The following ANKRD55 variants were observed in gnomAD, a reference collection of about 807,000 sequenced individuals.
The protein encoded by ANKRD55 is ankyrin repeat domain 55, also known as ankyrin repeat domain-containing protein 55.
A neutral mutation model predicts 60.6 loss-of-function variants in ANKRD55; 41 were observed. That is an observed-to-expected ratio of 0.68 (90% CI 0.53 to 0.88). The LOEUF is 0.88. Among genes scored for constraint, ANKRD55 ranks in the 40% least tolerant of loss-of-function variants. The probability of loss-of-function intolerance (pLI) is 0.00; values close to 1 mark genes in which losing one functional copy is unlikely to be tolerated. For missense variants in ANKRD55, 732 were observed against 767.6 expected (o/e 0.95, Z 0.55); for synonymous variants, 264 against 290.3 (o/e 0.91, Z 0.92).
intron 2 of ANKRD55, among the ~76,000 whole-genome samples, chr5:56,187,757 C>T (rs1416877736): frequency 1.3e-5 from 2 of 152,202 alleles, no homozygotes; most frequent in East Asian, 3.9e-4. Flanking sequence ...TCTTCCGTGA[C>T]CCACGGCTTC....
intron 6 of ANKRD55, among the ~76,000 whole-genome samples, chr5:56,156,702 T>C (rs1415272896): frequency 1.3e-5 from 2 of 152,188 alleles, no homozygotes; most frequent in African/African-American, 2.4e-5. Context: ...CCACTCCAGC[T>C]CCCTGCTTCG....
chr5:56,121,932 A>G (rs1757077875), intron 8 of ANKRD55, among the ~76,000 whole-genome samples: 1 of 152,156 alleles, frequency 6.6e-6, no homozygotes, highest in African/African-American at 2.4e-5. Flanking sequence ...GTTTTCTAGG[A>G]GGTCAAGGCT....
chr5:56,140,279 T>G (rs1441327683), intron 7 of ANKRD55, among the ~76,000 whole-genome samples: 2 of 152,194 alleles, frequency 1.3e-5, no homozygotes, highest in Non-Finnish European at 2.9e-5. Flanking sequence ...TCAGCTGACA[T>G]TTGGAATTAC....
chr5:56,145,920 T>C (rs898569311), intron 6 of ANKRD55, among the ~76,000 whole-genome samples: 1 of 152,226 alleles, frequency 6.6e-6, no homozygotes, highest in Admixed American at 6.5e-5. Context: ...GAATATTTAC[T>C]TGGAAATCAG....
chr5:56,183,706 G>T, intron 2 of ANKRD55, 72 bp from the exon 3 acceptor site: 2 of 1,576,266 alleles, frequency 1.3e-6, no homozygotes, highest in Non-Finnish European at 1.7e-6. Context: ...TACCCAAGTC[G>T]TCACCCACAC....
At chr5:56,136,789 G>GCAT (rs59351990) in intron 7 of ANKRD55, among the ~76,000 whole-genome samples, 1 of 151,728 alleles carries the variant, frequency 6.6e-6, no homozygotes, top group African/African-American at 2.4e-5. Flanking sequence ...AGGCATTGTG[G>GCAT]GTGTGCCTAT....
chr5:56,185,225 A>C (rs1758941722), intron 2 of ANKRD55, among the ~76,000 whole-genome samples: 1 of 151,948 alleles, frequency 6.6e-6, no homozygotes, highest in Non-Finnish European at 1.5e-5. Context: ...TCTGTCTCAA[A>C]ACAAAACAAC....
intron 2 of ANKRD55, among the ~76,000 whole-genome samples, chr5:56,184,156 C>A (rs1758914696): frequency 6.6e-6 from 1 of 152,228 alleles, no homozygotes; most frequent in Non-Finnish European, 1.5e-5. Flanking sequence ...CACCCTTTTG[C>A]TTGCCCATGA....
intron 9 of ANKRD55, among the ~76,000 whole-genome samples, chr5:56,114,907 G>A (rs1311346470): frequency 6.6e-6 from 1 of 152,104 alleles, no homozygotes; most frequent in Admixed American, 6.6e-5. Flanking sequence ...TACTGTGGCT[G>A]GGTATGATGG....
intron 6 of ANKRD55, among the ~76,000 whole-genome samples, chr5:56,154,979 C>T (rs927914112): frequency 3.3e-5 from 5 of 152,096 alleles, no homozygotes; most frequent in Non-Finnish European, 7.4e-5. Context: ...CGCCTATAAT[C>T]CCAGCACTTT....
intron 2 of ANKRD55, among the ~76,000 whole-genome samples, chr5:56,218,913 A>G (rs971023924): frequency 6.6e-6 from 1 of 152,188 alleles, no homozygotes; most frequent in African/African-American, 2.4e-5. Flanking sequence ...TCTGAGTAAA[A>G]GGCATACAAG....
intron 7 of ANKRD55, among the ~76,000 whole-genome samples, chr5:56,134,881 TA>T (rs1207525808): frequency 1.5e-4 from 23 of 152,016 alleles, no homozygotes; most frequent in Non-Finnish European, 2.2e-4. Context: ...TCTAGCAACG[TA>T]AAAAAAGAAT....
chr5:56,163,356 T>C (rs776687532), intron 5 of ANKRD55, among the ~76,000 whole-genome samples: 7 of 152,124 alleles, frequency 4.6e-5, no homozygotes, highest in Non-Finnish European at 1.0e-4. Context: ...GAGATACTTG[T>C]CCAGCATCTA....
At chr5:56,207,793 G>A (rs1246248405) in intron 2 of ANKRD55, among the ~76,000 whole-genome samples, 1 of 152,148 alleles carries the variant, frequency 6.6e-6, no homozygotes, top group Admixed American at 6.6e-5. Flanking sequence ...TGAAGGCCTA[G>A]GACATTACTG....
intron 4 of ANKRD55, among the ~76,000 whole-genome samples, chr5:56,171,828 C>A (rs1173202139): frequency 2.3e-4 from 35 of 151,968 alleles, no homozygotes; most frequent in Admixed American, 2.3e-3. Context: ...CAATAAAAAT[C>A]AAAATGTTGT....
chr5:56,213,507 C>T (rs1219341116), intron 2 of ANKRD55, among the ~76,000 whole-genome samples: 1 of 149,734 alleles, frequency 6.7e-6, no homozygotes, highest in Non-Finnish European at 1.5e-5. Context: ...GTAAGAATAT[C>T]CAATAAAATT....
At chr5:56,170,126 G>A (rs2111812064) in intron 5 of ANKRD55, among the ~76,000 whole-genome samples, 1 of 152,322 alleles carries the variant, frequency 6.6e-6, no homozygotes, top group South Asian at 2.1e-4. Context: ...CCCTGCTGCT[G>A]ACTCCTTTGC....
chr5:56,225,526 A>T lies in ANKRD55; in HGVS notation c.58+7330T>A, dbSNP rs571184306. 3.3e-5 allele frequency among the ~76,000 whole-genome samples: 5 copies of T among 152,328 alleles called. No individual in the cohort carries two copies. In the South Asian group the frequency reaches 1.0e-3, roughly 32 times the overall value. On this transcript the variant is annotated intron_variant, in intron 2 of 11. Transcript: ENST00000341048. ...AATAAATAAAGAGTATTCAATTAGGAAAACAGGAAGTCAAATTGTCTCTGT... is the reference window on the plus strand; with the variant it reads ...AATAAATAAAGAGTATTCAATTAGGTAAACAGGAAGTCAAATTGTCTCTGT...
intron 5 of ANKRD55, among the ~76,000 whole-genome samples, chr5:56,162,311 T>G (rs1360506388): frequency 2.0e-5 from 3 of 152,144 alleles, no homozygotes; most frequent in Admixed American, 2.0e-4. Context: ...TTCAAAGCCA[T>G]TCTCTTCTTT....
Sources: allele counts gnomAD v4.1 joint callset (sites outside exome capture counted in the v4.1 genomes callset), GRCh38; gene constraint gnomAD v4.1.1; transcripts MANE v1.5; gene names NCBI Gene and HGNC (gene_info 2026-07-23, HGNC 2026-07-21).